The following NPR3 variants were observed in gnomAD, a reference collection of about 807,000 sequenced individuals.
NPR3 encodes the protein natriuretic peptide receptor 3, also known as atrial natriuretic peptide receptor 3.
A neutral mutation model predicts 54.5 loss-of-function variants in NPR3; 34 were observed. The ratio of observed to expected loss-of-function variants is 0.62; its 90% CI spans 0.47 to 0.83. The LOEUF (loss-of-function observed/expected upper bound fraction) is 0.83, where lower values mean the gene tolerates loss of function less well. Among genes scored for constraint, NPR3 ranks in the 40% least tolerant of loss-of-function variants. NPR3 has a pLI of 0.00. For synonymous variants in NPR3, 289 were observed against 297.1 expected (o/e 0.97, Z 0.28); for missense variants, 674 against 720.8 (o/e 0.94, Z 0.74).
intron 3 of NPR3, among the ~76,000 whole-genome samples, chr5:32,767,382 A>ATGAATGTT (rs1361912531): frequency 2.6e-5 from 4 of 152,320 alleles, no homozygotes; most frequent in South Asian, 4.1e-4. Context: ...GTACCCATCT[A>ATGAATGTT]TGAATGTTTT....
At chr5:32,694,655 T>G (rs1740480530) in intron 1 of NPR3, among the ~76,000 whole-genome samples, 2 of 152,228 alleles carry the variant, frequency 1.3e-5, no homozygotes. Context: ...ATCGGGTGAA[T>G]GGGATATCCA....
intron 7 of NPR3, among the ~76,000 whole-genome samples, chr5:32,785,661 C>T (rs1222201821): frequency 1.3e-5 from 2 of 152,212 alleles, no homozygotes; most frequent in Non-Finnish European, 2.9e-5. Flanking sequence ...GGAGAGCCCA[C>T]ATGCTCATTT....
chr5:32,766,643 T>C (rs887768384), intron 3 of NPR3, among the ~76,000 whole-genome samples: 1 of 152,226 alleles, frequency 6.6e-6, no homozygotes, highest in Non-Finnish European at 1.5e-5. Flanking sequence ...TTATTATTGT[T>C]ATTTATCAAG....
chr5:32,722,870 C>T (rs769605355), intron 1 of NPR3, among the ~76,000 whole-genome samples: 9 of 152,142 alleles, frequency 5.9e-5, no homozygotes, highest in Non-Finnish European at 1.3e-4. Flanking sequence ...CAAATGTATA[C>T]CTATACTTTC....
intron 2 of NPR3, among the ~76,000 whole-genome samples, chr5:32,735,670 T>C (rs914524033): frequency 2.0e-5 from 3 of 152,140 alleles, no homozygotes; most frequent in African/African-American, 7.2e-5. Context: ...TCTCATCATA[T>C]CACTCTTCTG....
In NPR3 at chr5:32,726,002, G is replaced by T. The variant is rs77705257; in HGVS notation, c.892+1182G>T. On this transcript the variant is annotated intron_variant, in intron 2 of 7. Coordinates refer to ENST00000265074, the MANE Select transcript of NPR3 (RefSeq NM_001204375.2). ...GTTTAAGGAGATCATAAAGATAACAGGTACAAGACATTTCTCCCCCAAATG... is the reference window on the plus strand; with the variant it reads ...GTTTAAGGAGATCATAAAGATAACATGTACAAGACATTTCTCCCCCAAATG... Among the ~76,000 whole-genome samples, 33 of 152,246 alleles carry T rather than the reference G, an allele frequency of 2.2e-4. No individual in the cohort carries two copies. In the East Asian group the frequency reaches 6.0e-3, roughly 28 times the overall value.
chr5:32,778,620 C>T (rs1742188717), intron 4 of NPR3, among the ~76,000 whole-genome samples: 1 of 152,172 alleles, frequency 6.6e-6, no homozygotes, highest in Non-Finnish European at 1.5e-5. Flanking sequence ...AGCTCCACTA[C>T]AGCCAAACAG....
rs1742678632 is a variant in NPR3, at chr5:32,787,071, A to G, written c.*726A>G. 1.3e-5 allele frequency: 2 copies of G among 152,490 alleles called. No individual in the cohort carries two copies. The highest frequency in any genetic ancestry group is 4.1e-4 in the South Asian group (2 of 4,834). 9.4% of individuals were successfully genotyped at this position (152,490 alleles called of 1,614,324 possible). On this transcript the variant is annotated 3_prime_UTR_variant, in exon 8 of 8. Transcript: ENST00000265074. Reference sequence around the variant, plus strand: ...CGCACTAACATTTTATTTTACAAGTATTTTAATCTTATATTTTGGTATTAG... The same window carrying G: ...CGCACTAACATTTTATTTTACAAGTGTTTTAATCTTATATTTTGGTATTAG...
intron 1 of NPR3, among the ~76,000 whole-genome samples, chr5:32,694,455 AT>A (rs1172295151): frequency 2.0e-5 from 3 of 152,130 alleles, no homozygotes; most frequent in African/African-American, 7.2e-5. Flanking sequence ...CCATTTATTA[AT>A]TTTCTACTGT....
chr5:32,749,765 T>C (rs1231596237), intron 3 of NPR3, among the ~76,000 whole-genome samples: 4 of 152,218 alleles, frequency 2.6e-5, no homozygotes, highest in African/African-American at 9.6e-5. Flanking sequence ...TCTTCAGCTA[T>C]GCCTGGTACC....
At chr5:32,747,032 A>G (rs1740336718) in intron 3 of NPR3, among the ~76,000 whole-genome samples, 1 of 152,244 alleles carries the variant, frequency 6.6e-6, no homozygotes, top group South Asian at 2.1e-4. Context: ...AAAGGGCCCA[A>G]TATAATGAAT....
At chr5:32,710,646 G>A (rs1333782838), upstream of NPR3, 1 of 1,485,480 alleles carries the variant, frequency 6.7e-7, no homozygotes, top group Non-Finnish European at 9.0e-7. Flanking sequence ...GGGCCAGCCG[G>A]GCACACCAGG....
At chr5:32,729,026 T>TTTG (rs1739311208) in intron 2 of NPR3, among the ~76,000 whole-genome samples, 2 of 96,000 alleles carry the variant, frequency 2.1e-5, no homozygotes, top group African/African-American at 1.0e-4. Flanking sequence ...TTTTTTTTTT[T>TTTG]TTTGTTTTGT....
In NPR3 at chr5:32,763,784, T is replaced by G. The variant is rs534637836; in HGVS notation, c.1060-10924T>G. Among the ~76,000 whole-genome samples, 3 of 152,338 alleles carry G rather than the reference T, an allele frequency of 2.0e-5. No individual in the cohort carries two copies. The South Asian group carries it at 6.2e-4, about 32-fold the overall frequency. On this transcript the variant is annotated intron_variant, in intron 3 of 7. Coordinates refer to ENST00000265074, the MANE Select transcript of NPR3 (RefSeq NM_001204375.2). ...CCCGCATGTCCAGTATGTTTTGATTTTATACTGGATGTTGTGGATATTATG... is the reference window on the plus strand; with the variant it reads ...CCCGCATGTCCAGTATGTTTTGATTGTATACTGGATGTTGTGGATATTATG...
intron 4 of NPR3, among the ~76,000 whole-genome samples, 176 bp from the exon 5 acceptor site, chr5:32,780,546 C>T (rs749327746): frequency 9.2e-5 from 14 of 152,162 alleles, no homozygotes; most frequent in East Asian, 7.7e-4. Flanking sequence ...GGAATGCAGA[C>T]GCAGATGAAA....
intron 2 of NPR3, among the ~76,000 whole-genome samples, chr5:32,730,084 C>T (rs1739375583): frequency 6.6e-6 from 1 of 151,922 alleles, no homozygotes; most frequent in African/African-American, 2.4e-5. Flanking sequence ...TCTTTCATGA[C>T]TTTGACACTT....
At chr5:32,716,400 T>C in intron 1 of NPR3, 1 of 455,380 alleles carries the variant, frequency 2.2e-6, no homozygotes, top group Non-Finnish European at 4.4e-6. Flanking sequence ...GTCTTATCTG[T>C]TGGAATCCCA....
At chr5:32,749,432 T>C (rs948849277) in intron 3 of NPR3, among the ~76,000 whole-genome samples, 2 of 152,376 alleles carry the variant, frequency 1.3e-5, no homozygotes, top group Admixed American at 6.5e-5. Flanking sequence ...CTTTTGGTAA[T>C]CCTTAGCTGT....
chr5:32,711,750 C>T lies in NPR3; in HGVS notation c.-27C>T. 1.4e-6 allele frequency: 2 copies of T among 1,410,188 alleles called. No individual in the cohort carries two copies. Among genetic ancestry groups the T allele is most frequent in the South Asian group, 3.3e-5 (2 of 60,302 alleles). The allele number at this position is 1,410,188 out of a possible 1,614,324, so 87.4% of individuals were successfully genotyped here. A position where few individuals can be genotyped will look rare whatever the true frequency, so the allele number is the denominator to read the frequency against. Reference sequence around the variant, plus strand: ...GGGGCAGAGGGCGAGTCGGCGGCGGCGAGGGCAAGCTCTTTCTTGCGGCAC... The same window carrying T: ...GGGGCAGAGGGCGAGTCGGCGGCGGTGAGGGCAAGCTCTTTCTTGCGGCAC... On this transcript the variant is annotated 5_prime_UTR_variant, in exon 1 of 8. Transcript: ENST00000265074.
Sources: gnomAD v4.1 joint callset for allele counts (sites outside exome capture counted in the v4.1 genomes callset) on GRCh38, gnomAD v4.1.1 for gene constraint, MANE v1.5 for transcripts, NCBI Gene and HGNC (gene_info 2026-07-23, HGNC 2026-07-21) for gene names.